Variants in CSNK1G1 observed in about 807,000 individuals in gnomAD.
CSNK1G1 encodes the protein casein kinase 1 gamma 1, also known as casein kinase I isoform gamma-1.
Under a neutral mutation model 59.6 loss-of-function variants are expected in CSNK1G1, and 22 were observed. The observed-to-expected ratio is 0.37, with a 90% CI of 0.26 to 0.53. The LOEUF is 0.53. Ranked by LOEUF, CSNK1G1 falls within the 20% of genes least tolerant of loss-of-function variation. CSNK1G1 has a pLI of 0.89. For missense variants in CSNK1G1, 384 were observed against 519.5 expected, an observed-to-expected ratio of 0.74 and a Z score of 2.54; for synonymous variants, 179 against 177.1, an observed-to-expected ratio of 1.01 and a Z score of -0.08.
At chr15:64,286,259 T>C (rs554295689) in intron 2 of CSNK1G1, among the ~76,000 whole-genome samples, 15 of 150,644 alleles carry the variant, frequency 1.0e-4, no homozygotes, top group African/African-American at 3.5e-4. Flanking sequence ...CTAAGCTACA[T>C]TGGAAGACTA....
chr15:64,178,757 C>T (rs1312312165), intron 11 of CSNK1G1, among the ~76,000 whole-genome samples: 3 of 150,716 alleles, frequency 2.0e-5, no homozygotes, highest in African/African-American at 4.9e-5. Flanking sequence ...TGGGATTACA[C>T]GTGTGAGCCA....
In CSNK1G1 at chr15:64,210,555, G is replaced by A. The variant is rs1035901794; in HGVS notation, c.680-2961C>T. ...CTTCAATTCTTCTGATTGGTTGAAA[G>A]GTGTGCTTTCATCCAATCAGAAAGA... On this transcript the variant is annotated intron_variant, in intron 6 of 11. Transcript: ENST00000303052. This position sits in a 1 kb window ranked among gnomAD's most constrained non-coding sequence, Gnocchi z 4.2. Among the ~76,000 whole-genome samples, 1 of 152,100 alleles carries A rather than the reference G, an allele frequency of 6.6e-6. No homozygotes were observed. Among genetic ancestry groups the A allele is most frequent in the Non-Finnish European group, 1.5e-5 (1 of 68,026 alleles).
chr15:64,190,476 G>A (rs1042595675), intron 10 of CSNK1G1, among the ~76,000 whole-genome samples: 17 of 152,054 alleles, frequency 1.1e-4, no homozygotes, highest in Admixed American at 1.3e-4. Context: ...GTGCAATGGC[G>A]CGATCTCCGC....
Position 64,204,440 on chromosome 15 carries a change from C to G in CSNK1G1, c.999+1G>C. 1.4e-6 allele frequency: 2 copies of G among 1,478,410 alleles called. No individual in the cohort carries two copies. The highest frequency in any genetic ancestry group is 1.8e-6 in the Non-Finnish European group (2 of 1,097,754). 91.6% of individuals were successfully genotyped at this position (1,478,410 alleles called of 1,614,324 possible). On this transcript the variant is annotated splice_donor_variant, in intron 9 of 11. Coordinates refer to ENST00000303052, the MANE Select transcript of CSNK1G1 (RefSeq NM_022048.5). LOFTEE classifies it high-confidence loss of function. ...AAAAAAAAAAAAAAAAGGATACTTA[C>G]AATAGGTCTCCCAACCCAATCATAG...
At chr15:64,319,550 T>C (rs541319545) in intron 1 of CSNK1G1, among the ~76,000 whole-genome samples, 2 of 152,274 alleles carry the variant, frequency 1.3e-5, no homozygotes, top group South Asian at 4.1e-4. Flanking sequence ...GTTGAATTTG[T>C]TTTGTTTTGT....
chr15:64,195,077 C>T (rs1447000299), intron 10 of CSNK1G1: 1 of 152,154 alleles, frequency 6.6e-6, no homozygotes, highest in Non-Finnish European at 1.5e-5. Context: ...GGGAACAGTC[C>T]ACCTAGTACA....
intron 3 of CSNK1G1, among the ~76,000 whole-genome samples, chr15:64,257,483 T>C (rs1044213344): frequency 2.0e-5 from 3 of 152,174 alleles, no homozygotes; most frequent in Non-Finnish European, 4.4e-5. Context: ...GAGAACACTT[T>C]TAAGAATAAC....
intron 1 of CSNK1G1, among the ~76,000 whole-genome samples, chr15:64,314,723 C>T (rs919962367): frequency 9.2e-5 from 14 of 152,204 alleles, no homozygotes; most frequent in Non-Finnish European, 2.1e-4. Flanking sequence ...TAAGAACACG[C>T]GGTGTTTGTT....
At chr15:64,259,953 G>A (rs374141081) in intron 2 of CSNK1G1, among the ~76,000 whole-genome samples, 1 of 152,174 alleles carries the variant, frequency 6.6e-6, no homozygotes, top group African/African-American at 2.4e-5. Context: ...ATTCCCAGAC[G>A]TTTAGACTAA....
Position 64,216,670 on chromosome 15 carries a change from T to C in CSNK1G1, c.336A>G (p.Lys112=). 6.2e-7 allele frequency: 1 copy of C among 1,614,102 alleles called. No individual in the cohort carries two copies. The highest frequency in any genetic ancestry group is 8.5e-7 in the Non-Finnish European group (1 of 1,179,950). Reference sequence around the variant, plus strand: ...GGAGCTCCAGCACCATGGCATTATATTTCCCACATGGTCCAAAGTAATACA... The same window carrying C: ...GGAGCTCCAGCACCATGGCATTATACTTCCCACATGGTCCAAAGTAATACA... ...PQVYYFGPCG[K]YNAMVLELLG... Residue 112 remains lysine (K), a synonymous_variant, in exon 5 of 12, where the codon AAA becomes AAG. Transcript: ENST00000303052. The surrounding 1 kb of genome is among the most constrained non-coding windows in gnomAD (Gnocchi z 4.6).
intron 4 of CSNK1G1, among the ~76,000 whole-genome samples, chr15:64,225,811 G>A (rs1038918152): frequency 6.6e-6 from 1 of 152,140 alleles, no homozygotes; most frequent in Admixed American, 6.5e-5. Flanking sequence ...ATTTTTAGTA[G>A]AGTCGGGGTT....
intron 4 of CSNK1G1, among the ~76,000 whole-genome samples, chr15:64,244,396 G>A (rs72756952): frequency 0.044 from 6,489 of 148,392 alleles, 192 homozygotes; most frequent in South Asian, 0.083. Context: ...AGTGTGGGCC[G>A]GGGGGAGACA....
intron 10 of CSNK1G1, chr15:64,181,308 T>C (rs891297460): frequency 3.3e-6 from 5 of 1,536,142 alleles, no homozygotes; most frequent in South Asian, 1.2e-5. Context: ...TTCTCTTGCA[T>C]GTGTAGCTGC....
chr15:64,336,443 C>T (rs1238952738), intron 1 of CSNK1G1, among the ~76,000 whole-genome samples: 1 of 152,166 alleles, frequency 6.6e-6, no homozygotes, highest in African/African-American at 2.4e-5. Context: ...TGTCACTGAA[C>T]ATGCTTAATT....
chr15:64,252,709 A>G (rs371745033), intron 3 of CSNK1G1, among the ~76,000 whole-genome samples: 2 of 152,198 alleles, frequency 1.3e-5, no homozygotes, highest in Admixed American at 1.3e-4. Flanking sequence ...TGCAATTAAA[A>G]TATGTAACTT....
chr15:64,181,362 G>A, intron 10 of CSNK1G1: 2 of 1,536,046 alleles, frequency 1.3e-6, no homozygotes, highest in African/African-American at 1.4e-5. Context: ...TCCTGTTTAT[G>A]TGGGTGCTGG....
At chr15:64,225,527 G>T (rs1432610476) in intron 4 of CSNK1G1, among the ~76,000 whole-genome samples, 1 of 152,112 alleles carries the variant, frequency 6.6e-6, no homozygotes, top group Non-Finnish European at 1.5e-5. Flanking sequence ...ACTGGTCCTG[G>T]ACAGAATCCT....
chr15:64,178,746 C>T (rs1385860722), intron 11 of CSNK1G1, among the ~76,000 whole-genome samples: 2 of 151,952 alleles, frequency 1.3e-5, no homozygotes, highest in Non-Finnish European at 2.9e-5. Flanking sequence ...TCCCAAAGTG[C>T]TGGGATTACA....
intron 4 of CSNK1G1, among the ~76,000 whole-genome samples, chr15:64,228,681 A>C (rs1404168435): frequency 6.6e-6 from 1 of 152,190 alleles, no homozygotes; most frequent in Non-Finnish European, 1.5e-5. Context: ...ACAAAGGCAC[A>C]TGATTAAGAA....
Sources: allele counts gnomAD v4.1 joint callset (sites outside exome capture counted in the v4.1 genomes callset), GRCh38; gene constraint gnomAD v4.1.1; non-coding constraint Gnocchi (gnomAD v3.1); transcripts MANE v1.5; gene names NCBI Gene and HGNC (gene_info 2026-07-23, HGNC 2026-07-21).